Variants in KCND3 observed in about 807,000 individuals in gnomAD.
The protein encoded by KCND3 is A-type voltage-gated potassium channel KCND3.
Under a neutral mutation model 51.1 loss-of-function variants are expected in KCND3, and 9 were observed. That is an observed-to-expected ratio of 0.18 (90% confidence interval 0.11 to 0.31). KCND3 has a LOEUF of 0.31. Among genes scored for constraint, KCND3 ranks in the 10% least tolerant of loss-of-function variants. The pLI, the probability that KCND3 is intolerant of heterozygous loss-of-function variation, is 1.00. For missense variants in KCND3, 526 were observed against 903.8 expected (o/e 0.58, Z 5.36); for synonymous variants, 349 against 368.0 (o/e 0.95, Z 0.59).
At chr1:111,821,317 C>T (rs1325987663) in intron 2 of KCND3, among the ~76,000 whole-genome samples, 1 of 152,148 alleles carries the variant, frequency 6.6e-6, no homozygotes, top group Non-Finnish European at 1.5e-5. Flanking sequence ...AGAGCTGGTT[C>T]CAGGACAGGA....
intron 2 of KCND3, among the ~76,000 whole-genome samples, chr1:111,833,906 G>C (rs1191219780): frequency 6.6e-6 from 1 of 152,182 alleles, no homozygotes; most frequent in Non-Finnish European, 1.5e-5. Context: ...GGGCCTGAAG[G>C]GGACTTATTT....
intron 2 of KCND3, among the ~76,000 whole-genome samples, chr1:111,839,037 A>G (rs1281585627): frequency 2.0e-5 from 3 of 152,188 alleles, no homozygotes; most frequent in East Asian, 3.8e-4. Context: ...CTGGGTATCT[A>G]TCTCTTTCCC....
At chr1:111,885,076 T>C (rs1669507471) in intron 2 of KCND3, among the ~76,000 whole-genome samples, 1 of 152,204 alleles carries the variant, frequency 6.6e-6, no homozygotes. Context: ...TTGAGAACCA[T>C]TGTTCTAGTC....
At chr1:111,805,314 G>A (rs114731484) in intron 2 of KCND3, among the ~76,000 whole-genome samples, 172 of 152,334 alleles carry the variant, frequency 1.1e-3, no homozygotes, top group African/African-American at 3.8e-3. Context: ...ACACTGTTGG[G>A]AGGAACTCTT....
intron 2 of KCND3, among the ~76,000 whole-genome samples, chr1:111,887,535 A>G (rs1669624031): frequency 6.6e-6 from 1 of 152,164 alleles, no homozygotes; most frequent in South Asian, 2.1e-4. Flanking sequence ...TTTCCAAACT[A>G]AACAAGCTCC....
Position 111,799,294 on chromosome 1 carries a change from A to C in KCND3, c.1107-12188T>G, listed in dbSNP as rs148673049. ...CTCCCCAAACACTTCAGGTACTAGA[A>C]TTGATAGATACGGAACAGTCATGTA... is the stretch of plus-strand genomic sequence containing the variant. On this transcript the variant is annotated intron_variant, in intron 2 of 7. Transcript: ENST00000302127. Among the ~76,000 whole-genome samples, 246 of 152,354 alleles carry C rather than the reference A, an allele frequency of 1.6e-3. 2 individuals carry two copies. Among genetic ancestry groups the C allele is most frequent in the African/African-American group, 5.7e-3 (236 of 41,574 alleles).
chr1:111,931,658 G>A (rs1671977135), intron 2 of KCND3, among the ~76,000 whole-genome samples: 1 of 152,184 alleles, frequency 6.6e-6, no homozygotes, highest in African/African-American at 2.4e-5. Context: ...AGCCATTATG[G>A]GGAGCTTGTA....
At chr1:111,895,685 T>G (rs935375375) in intron 2 of KCND3, among the ~76,000 whole-genome samples, 3 of 152,142 alleles carry the variant, frequency 2.0e-5, no homozygotes, top group African/African-American at 7.2e-5. Context: ...CTCCATATGC[T>G]CAGAATGCGC....
chr1:111,876,938 C>T (rs1032060522), intron 2 of KCND3, among the ~76,000 whole-genome samples: 4 of 152,180 alleles, frequency 2.6e-5, no homozygotes, highest in South Asian at 2.1e-4. Context: ...GTTCTCTCTC[C>T]GGGTAGGATG....
intron 2 of KCND3, among the ~76,000 whole-genome samples, chr1:111,946,523 C>G (rs1402382600): frequency 6.6e-6 from 1 of 152,168 alleles, no homozygotes; most frequent in Non-Finnish European, 1.5e-5. Flanking sequence ...TCTTGATGAC[C>G]ATTCAAAGCC....
chr1:111,798,284 G>A (rs12144279), intron 2 of KCND3, among the ~76,000 whole-genome samples: 26,038 of 151,942 alleles, frequency 0.17, 2,386 homozygotes, highest in Admixed American at 0.22. Context: ...CTCTCAACTG[G>A]GAATGGCCCT....
chr1:111,835,018 G>A (rs1307769655), intron 2 of KCND3, among the ~76,000 whole-genome samples: 2 of 152,170 alleles, frequency 1.3e-5, no homozygotes, highest in Non-Finnish European at 2.9e-5. Flanking sequence ...GGGCTTGGAG[G>A]GTGCTCAGTG....
chr1:111,830,004 T>C (rs1189467811), intron 2 of KCND3, among the ~76,000 whole-genome samples: 1 of 152,220 alleles, frequency 6.6e-6, no homozygotes, highest in Admixed American at 6.5e-5. Context: ...CGGTGGCTAT[T>C]GTTCCAACTG....
intron 2 of KCND3, among the ~76,000 whole-genome samples, chr1:111,859,246 C>T (rs1668227633): frequency 6.7e-6 from 1 of 148,924 alleles, no homozygotes; most frequent in African/African-American, 2.5e-5. Flanking sequence ...CAATGCTGAC[C>T]CTTTTGAAGT....
At chr1:111,922,476 T>C (rs1225021284) in intron 2 of KCND3, among the ~76,000 whole-genome samples, 4 of 152,248 alleles carry the variant, frequency 2.6e-5, no homozygotes, top group Non-Finnish European at 5.9e-5. Flanking sequence ...CAGTACAGCA[T>C]TTAAGAGTGA....
chr1:111,831,270 C>T (rs1666821801), intron 2 of KCND3, among the ~76,000 whole-genome samples: 1 of 152,196 alleles, frequency 6.6e-6, no homozygotes, highest in Admixed American at 6.5e-5. Flanking sequence ...TTTGTGTCTT[C>T]ACCCAAATCT....
At chr1:111,925,167 C>T (rs2101847013) in intron 2 of KCND3, among the ~76,000 whole-genome samples, 1 of 152,358 alleles carries the variant, frequency 6.6e-6, no homozygotes, top group Non-Finnish European at 1.5e-5. Context: ...GCCCTTGTTG[C>T]TGGCGCAGGC....
intron 2 of KCND3, among the ~76,000 whole-genome samples, chr1:111,897,123 C>T (rs1571816631): frequency 6.6e-6 from 1 of 152,338 alleles, no homozygotes; most frequent in East Asian, 1.9e-4. Context: ...GGAACGGACA[C>T]CAGCCCCCGC....
At chr1:111,897,746 G>T (rs1012277374) in intron 2 of KCND3, among the ~76,000 whole-genome samples, 3 of 152,200 alleles carry the variant, frequency 2.0e-5, no homozygotes, top group Admixed American at 2.0e-4. Context: ...TGGCTTGCAG[G>T]TTTATGTGTA....
Sources: allele counts gnomAD v4.1 joint callset (sites outside exome capture counted in the v4.1 genomes callset), GRCh38; gene constraint gnomAD v4.1.1; transcripts MANE v1.5; gene names NCBI Gene and HGNC (gene_info 2026-07-23, HGNC 2026-07-21).